Variants in FSTL5 observed in about 807,000 individuals in gnomAD.
FSTL5 encodes the protein follistatin-related protein 5.
A neutral mutation model predicts 89.1 loss-of-function variants in FSTL5; 62 were observed. The ratio of observed to expected loss-of-function variants is 0.70; its 90% CI spans 0.57 to 0.86. The LOEUF is 0.86. FSTL5 is among the 40% of genes least tolerant of loss of function. The pLI, the probability that FSTL5 is intolerant of heterozygous loss-of-function variation, is 0.00. For synonymous variants in FSTL5, 383 were observed against 346.2 expected (o/e 1.11, Z -1.18); for missense variants, 1,057 against 1,001.6 (o/e 1.06, Z -0.75).
chr4:161,723,726 G>C (rs1045904989), intron 6 of FSTL5, among the ~76,000 whole-genome samples: 3 of 152,112 alleles, frequency 2.0e-5, no homozygotes, highest in African/African-American at 7.2e-5. Flanking sequence ...ACACTATCCA[G>C]TGTCATTGCA....
intron 13 of FSTL5, among the ~76,000 whole-genome samples, chr4:161,461,708 T>A (rs376687497): frequency 6.6e-6 from 1 of 152,090 alleles, no homozygotes; most frequent in Non-Finnish European, 1.5e-5. Flanking sequence ...CATGTACTAA[T>A]CAATAATTTC....
intron 2 of FSTL5, among the ~76,000 whole-genome samples, chr4:162,090,716 G>A (rs1730516458): frequency 6.6e-6 from 1 of 151,904 alleles, no homozygotes; most frequent in Non-Finnish European, 1.5e-5. Context: ...AACTACTTGG[G>A]TGGCTGAGGC....
At chr4:161,801,077 T>C (rs922994330) in intron 4 of FSTL5, among the ~76,000 whole-genome samples, 5 of 151,564 alleles carry the variant, frequency 3.3e-5, no homozygotes, top group African/African-American at 1.2e-4. Flanking sequence ...TGAAAAGTGC[T>C]ACACTTGTCA....
intron 6 of FSTL5, among the ~76,000 whole-genome samples, chr4:161,705,625 C>G (rs1471975834): frequency 6.6e-6 from 1 of 151,834 alleles, no homozygotes. Context: ...CTGCGCTACT[C>G]TGTACTTTGT....
intron 15 of FSTL5, among the ~76,000 whole-genome samples, chr4:161,424,193 T>C (rs1453376549): frequency 6.6e-6 from 1 of 151,874 alleles, no homozygotes; most frequent in Non-Finnish European, 1.5e-5. Context: ...TAGTATTTTA[T>C]ATTGCTTATC....
intron 15 of FSTL5, among the ~76,000 whole-genome samples, chr4:161,404,948 T>C: frequency 6.6e-6 from 1 of 152,046 alleles, no homozygotes. Flanking sequence ...AATTTGCTCG[T>C]AGCTGGGGGC....
At chr4:161,806,622 T>C (rs755944129) in intron 4 of FSTL5, among the ~76,000 whole-genome samples, 1 of 152,124 alleles carries the variant, frequency 6.6e-6, no homozygotes, top group Non-Finnish European at 1.5e-5. Flanking sequence ...CTGAGTTAGA[T>C]AGTCAGTAGA....
At chr4:161,651,127 C>T (rs1736327151) in intron 7 of FSTL5, among the ~76,000 whole-genome samples, 4 of 151,724 alleles carry the variant, frequency 2.6e-5, no homozygotes, top group Non-Finnish European at 1.5e-5. Flanking sequence ...TTTCCTTTAC[C>T]AAAGGAACTC....
intron 8 of FSTL5, among the ~76,000 whole-genome samples, chr4:161,561,489 G>A (rs1452055907): frequency 6.6e-6 from 1 of 151,980 alleles, no homozygotes; most frequent in African/African-American, 2.4e-5. Context: ...TTGGCTCTGG[G>A]TTATTTTTTG....
intron 4 of FSTL5, among the ~76,000 whole-genome samples, chr4:161,913,872 T>C (rs890412076): frequency 6.6e-6 from 1 of 152,192 alleles, no homozygotes; most frequent in Non-Finnish European, 1.5e-5. Flanking sequence ...AGGAAGTAAT[T>C]AGCTTGCTTT....
intron 10 of FSTL5, among the ~76,000 whole-genome samples, chr4:161,519,349 A>G (rs1578893825): frequency 6.6e-6 from 1 of 151,948 alleles, no homozygotes; most frequent in East Asian, 1.9e-4. Context: ...ACCTGGTGAA[A>G]CCCTGTCTCT....
chr4:161,870,541 T>C (rs1579157267), intron 4 of FSTL5, among the ~76,000 whole-genome samples: 2 of 152,286 alleles, frequency 1.3e-5, no homozygotes, highest in South Asian at 4.1e-4. Context: ...AATATTTTTC[T>C]ATTTGGCAAT....
At chr4:161,740,177 G>A (rs997839832) in intron 6 of FSTL5, among the ~76,000 whole-genome samples, 1 of 151,898 alleles carries the variant, frequency 6.6e-6, no homozygotes, top group African/African-American at 2.4e-5. Context: ...GTGCCACCAT[G>A]CCCGGCTAAT....
At chr4:161,909,372 T>C (rs531504568) in intron 4 of FSTL5, among the ~76,000 whole-genome samples, 1 of 152,246 alleles carries the variant, frequency 6.6e-6, no homozygotes, top group East Asian at 1.9e-4. Context: ...TTAAAACTAA[T>C]TCTTCAATTA....
chr4:161,895,698 C>T (rs1733134018), intron 4 of FSTL5, among the ~76,000 whole-genome samples: 1 of 152,088 alleles, frequency 6.6e-6, no homozygotes, highest in South Asian at 2.1e-4. Context: ...CTTAATTCTG[C>T]CAACCACTGT....
intron 6 of FSTL5, among the ~76,000 whole-genome samples, chr4:161,681,609 A>C (rs1208869385): frequency 1.3e-5 from 2 of 152,088 alleles, no homozygotes; most frequent in African/African-American, 4.8e-5. Flanking sequence ...ATTATTAAAA[A>C]ATATCTGTAA....
intron 4 of FSTL5, among the ~76,000 whole-genome samples, chr4:161,870,416 T>C (rs1326271606): frequency 1.3e-5 from 2 of 151,946 alleles, no homozygotes; most frequent in African/African-American, 4.8e-5. Flanking sequence ...AAAAAACAAG[T>C]ATCATGGTAT....
chr4:161,490,082 G>T (rs1044252613), intron 12 of FSTL5, among the ~76,000 whole-genome samples: 1 of 152,028 alleles, frequency 6.6e-6, no homozygotes, highest in Non-Finnish European at 1.5e-5. Context: ...GTTATTAAAA[G>T]ACATTTTATA....
chr4:161,449,927 T>A (rs1733104369), intron 15 of FSTL5, among the ~76,000 whole-genome samples: 1 of 152,172 alleles, frequency 6.6e-6, no homozygotes, highest in Non-Finnish European at 1.5e-5. Context: ...TCAAAAGCTC[T>A]AGGAAAGACT....
Sources: gnomAD v4.1 joint callset for allele counts (sites outside exome capture counted in the v4.1 genomes callset) on GRCh38, gnomAD v4.1.1 for gene constraint, MANE v1.5 for transcripts, NCBI Gene and HGNC (gene_info 2026-07-23, HGNC 2026-07-21) for gene names.